DAW1: variants seen among roughly 807,000 people sequenced by gnomAD.
DAW1 encodes dynein assembly factor with WD repeat domains 1.
Under a neutral mutation model 56.5 loss-of-function variants are expected in DAW1, and 47 were observed. The observed-to-expected ratio is 0.83, with a 90% CI of 0.66 to 1.06. The LOEUF is 1.06. Ranked by LOEUF, DAW1 falls within the 50% of genes least tolerant of loss-of-function variation. DAW1 has a pLI of 0.00. For synonymous variants in DAW1, 190 were observed against 179.0 expected, an observed-to-expected ratio of 1.06 and a Z score of -0.49; for missense variants, 505 against 499.3, an observed-to-expected ratio of 1.01 and a Z score of -0.11.
At chr2:227,872,281 AAAAAAAAAAAAG>A (rs1477930767) in intron 1 of DAW1, 1 of 144,012 alleles carries the variant, frequency 6.9e-6, no homozygotes, top group East Asian at 2.1e-4. Context: ...TCTGCAAAAA[AAAAAAAAAAAAG>A]AAAAAAAAGA....
chr2:227,911,321 C>CATATATACATGTGTAT (rs1691821801), intron 10 of DAW1, among the ~76,000 whole-genome samples: 1 of 70,956 alleles, frequency 1.4e-5, no homozygotes, highest in Non-Finnish European at 3.5e-5. Flanking sequence ...AGCATATATA[C>CATATATACATGTGTAT]ATATATACAT....
intron 1 of DAW1, among the ~76,000 whole-genome samples, chr2:227,873,657 T>C (rs1298852352): frequency 6.6e-6 from 1 of 152,190 alleles, no homozygotes; most frequent in Non-Finnish European, 1.5e-5. Flanking sequence ...GCTATATATA[T>C]GACAGTATCT....
chr2:227,922,015 T>C (rs1457767174), intron 12 of DAW1, among the ~76,000 whole-genome samples: 2 of 152,160 alleles, frequency 1.3e-5, no homozygotes, highest in Admixed American at 1.3e-4. Context: ...TAGCTGGGCA[T>C]GGTGGCGTAC....
At chr2:227,880,381 CT>C (rs34679935) in intron 1 of DAW1, among the ~76,000 whole-genome samples, 4,569 of 143,808 alleles carry the variant, frequency 0.032, 205 homozygotes, top group African/African-American at 0.1. Context: ...CACAAACAGT[CT>C]TTTTTTTTTT....
chr2:227,893,480 A>G (rs1691324569), intron 4 of DAW1, among the ~76,000 whole-genome samples: 1 of 152,118 alleles, frequency 6.6e-6, no homozygotes, highest in Non-Finnish European at 1.5e-5. Context: ...AGTCTGGCCA[A>G]CATGGTGAAA....
At chr2:227,873,670 A>T (rs1326106522) in intron 1 of DAW1, among the ~76,000 whole-genome samples, 1 of 152,156 alleles carries the variant, frequency 6.6e-6, no homozygotes, top group African/African-American at 2.4e-5. Flanking sequence ...CAGTATCTAG[A>T]TAAATTTATT....
chr2:227,908,690 A>G (rs145194068), intron 10 of DAW1, among the ~76,000 whole-genome samples: 19 of 152,290 alleles, frequency 1.2e-4, no homozygotes, highest in Middle Eastern at 3.4e-3. Flanking sequence ...ACAATTTCCT[A>G]TTTTACACTA....
chr2:227,914,958 T>A (rs939640390), intron 10 of DAW1, among the ~76,000 whole-genome samples: 1 of 152,098 alleles, frequency 6.6e-6, no homozygotes, highest in Non-Finnish European at 1.5e-5. Context: ...TTTAACATAC[T>A]ACATATATTG....
At chr2:227,899,718 C>T (rs1453081304) in intron 6 of DAW1, among the ~76,000 whole-genome samples, 1 of 152,096 alleles carries the variant, frequency 6.6e-6, no homozygotes, top group Non-Finnish European at 1.5e-5. Context: ...AAAAGCAAGC[C>T]ACAGTGGCGA....
intron 1 of DAW1, chr2:227,876,510 A>C: frequency 7.7e-7 from 1 of 1,302,078 alleles, no homozygotes; most frequent in Non-Finnish European, 1.0e-6. Context: ...TGTTTCAATA[A>C]TAGCATTATC....
At chr2:227,915,815 A>G (rs1485838974) in intron 10 of DAW1, among the ~76,000 whole-genome samples, 1 of 152,140 alleles carries the variant, frequency 6.6e-6, no homozygotes, top group Admixed American at 6.6e-5. Flanking sequence ...ATAATGCTAC[A>G]CTGTATCTAC....
intron 2 of DAW1, among the ~76,000 whole-genome samples, chr2:227,887,354 T>A (rs1020704865): frequency 6.6e-6 from 1 of 152,296 alleles, no homozygotes; most frequent in South Asian, 2.1e-4. Flanking sequence ...ATGCAGGAAG[T>A]TTCTTTGTGA....
chr2:227,905,768 T>A lies in DAW1; in HGVS notation c.756-468T>A, dbSNP rs114230227. Among the ~76,000 whole-genome samples the A allele has an allele frequency of 5.2e-3, 792 of 152,184 alleles. 4 individuals carry two copies. Among genetic ancestry groups the A allele is most frequent in the African/African-American group, 0.018 (741 of 41,516 alleles). ...TGAAATTATTTATTTAGTTAGTTAG[T>A]TTTTGAGACGGAGTCTCGCTCTGTT... On this transcript the variant is annotated intron_variant, in intron 8 of 12. Coordinates refer to ENST00000309931, the MANE Select transcript of DAW1 (RefSeq NM_178821.3).
intron 2 of DAW1, among the ~76,000 whole-genome samples, chr2:227,887,025 T>G (rs1477431597): frequency 6.6e-6 from 1 of 152,196 alleles, no homozygotes; most frequent in Non-Finnish European, 1.5e-5. Flanking sequence ...CCGTAACTGA[T>G]GAGAGAGGGG....
chr2:227,874,604 A>T (rs777140018), intron 1 of DAW1, among the ~76,000 whole-genome samples: 3 of 151,986 alleles, frequency 2.0e-5, no homozygotes, highest in Non-Finnish European at 4.4e-5. Context: ...TTCTGTGTCT[A>T]TCTTGTTGGT....
chr2:227,921,306 T>A (rs896768853), intron 11 of DAW1, 93 bp from the exon 12 acceptor site: 5 of 21,538 alleles, frequency 2.3e-4, no homozygotes, highest in Admixed American at 1.3e-3. Flanking sequence ...TGTAATGTCC[T>A]TTTTTTTTTT....
At chr2:227,923,472 A>G in intron 12 of DAW1, among the ~76,000 whole-genome samples, 1 of 152,088 alleles carries the variant, frequency 6.6e-6, no homozygotes, top group East Asian at 1.9e-4. Context: ...AGGTGAGAAA[A>G]CCAGTAGTGC....
intron 5 of DAW1, among the ~76,000 whole-genome samples, chr2:227,897,679 C>T (rs1343015408): frequency 1.3e-5 from 2 of 152,166 alleles, no homozygotes; most frequent in Non-Finnish European, 2.9e-5. Flanking sequence ...TTTCTAAACC[C>T]TCTTACAACT....
Position 227,886,952 on chromosome 2 carries a change from C to T in DAW1, c.113+1529C>T, listed in dbSNP as rs139933153. On this transcript the variant is annotated intron_variant, in intron 2 of 12. Coordinates refer to ENST00000309931, the MANE Select transcript of DAW1 (RefSeq NM_178821.3). ...GTGTTTTAGGTTTGTGGCCTGAGAC[C>T]GTAAGCAAAAGGAGCTTTCTTATAT... is the stretch of plus-strand genomic sequence containing the variant. Among the ~76,000 whole-genome samples the T allele has an allele frequency of 5.7e-3, 875 of 152,244 alleles. 10 individuals are homozygous for T. The highest frequency in any genetic ancestry group is 8.1e-3 in the Non-Finnish European group (554 of 68,008).
Sources: allele counts gnomAD v4.1 joint callset (sites outside exome capture counted in the v4.1 genomes callset), GRCh38; gene constraint gnomAD v4.1.1; transcripts MANE v1.5; gene names NCBI Gene and HGNC (gene_info 2026-07-23, HGNC 2026-07-21).